The following ATG7 variants were observed in gnomAD, a reference collection of about 807,000 sequenced individuals.
ATG7 encodes the protein ubiquitin-like modifier-activating enzyme ATG7.
A neutral mutation model predicts 82.4 loss-of-function variants in ATG7; 70 were observed. The ratio of observed to expected loss-of-function variants is 0.85; its 90% CI spans 0.70 to 1.04. The LOEUF is 1.04. Ranked by LOEUF, ATG7 falls within the 50% of genes least tolerant of loss-of-function variation. The pLI, the probability that ATG7 is intolerant of heterozygous loss-of-function variation, is 0.00. For missense variants in ATG7, 792 were observed against 864.3 expected (o/e 0.92, Z 1.05); for synonymous variants, 287 against 313.0 (o/e 0.92, Z 0.88).
intron 3 of ATG7, among the ~76,000 whole-genome samples, chr3:11,291,182 A>T (rs1309475481): frequency 6.6e-6 from 1 of 152,262 alleles, no homozygotes; most frequent in African/African-American, 2.4e-5. Context: ...TGACTGACAT[A>T]TGTAGGGACT....
At chr3:11,354,678 T>C (rs1033246324) in intron 14 of ATG7, among the ~76,000 whole-genome samples, 3 of 142,154 alleles carry the variant, frequency 2.1e-5, no homozygotes, top group East Asian at 2.1e-4. Flanking sequence ...AAAAAAAAGA[T>C]GTTGGATTAT....
At chr3:11,372,886 TGTG>T (rs922827498) in intron 18 of ATG7, among the ~76,000 whole-genome samples, 2 of 150,778 alleles carry the variant, frequency 1.3e-5, no homozygotes, top group Admixed American at 6.6e-5. Flanking sequence ...GTTTTCCCCT[TGTG>T]GGGAGAGGGG....
intron 19 of ATG7, among the ~76,000 whole-genome samples, chr3:11,422,871 C>T (rs2082060682): frequency 6.7e-6 from 1 of 148,752 alleles, no homozygotes; most frequent in East Asian, 2.0e-4. Context: ...TCTCTTGCCT[C>T]AGCTTCCCAG....
intron 20 of ATG7, among the ~76,000 whole-genome samples, chr3:11,478,255 A>T (rs1040938097): frequency 6.6e-6 from 1 of 152,198 alleles, no homozygotes; most frequent in Non-Finnish European, 1.5e-5. Flanking sequence ...AAATTATTTA[A>T]ATGTTTTCCC....
chr3:11,356,650 T>C (rs1264365489), intron 14 of ATG7, among the ~76,000 whole-genome samples: 1 of 152,244 alleles, frequency 6.6e-6, no homozygotes, highest in Admixed American at 6.5e-5. Flanking sequence ...AATATATACT[T>C]AATAGTTATT....
At chr3:11,518,876 A>G (rs982310570) in intron 20 of ATG7, among the ~76,000 whole-genome samples, 1 of 152,318 alleles carries the variant, frequency 6.6e-6, no homozygotes, top group East Asian at 1.9e-4. Flanking sequence ...TTAATCTCCT[A>G]TGACCCCAAG....
At chr3:11,485,550 A>G (rs2089523488) in intron 20 of ATG7, among the ~76,000 whole-genome samples, 1 of 151,974 alleles carries the variant, frequency 6.6e-6, no homozygotes, top group South Asian at 2.1e-4. Context: ...GTTTAATTAG[A>G]TCCCATTTGT....
chr3:11,323,454 T>G (rs1416161575), intron 9 of ATG7, among the ~76,000 whole-genome samples: 1 of 152,202 alleles, frequency 6.6e-6, no homozygotes, highest in Non-Finnish European at 1.5e-5. Flanking sequence ...AAAATGGGCC[T>G]TAAGTTCTTC....
chr3:11,424,186 T>G (rs1017032569), intron 19 of ATG7, among the ~76,000 whole-genome samples: 3 of 152,080 alleles, frequency 2.0e-5, no homozygotes, highest in Non-Finnish European at 2.9e-5. Context: ...GCCCCTCCTT[T>G]CCAGTGCCAA....
At chr3:11,557,954 C>T (rs1256586275), downstream of ATG7, 1 of 153,626 alleles carries the variant, frequency 6.5e-6, no homozygotes, top group African/African-American at 2.4e-5. Flanking sequence ...ACAGTAACAA[C>T]AACAAACACA....
chr3:11,400,340 G>A (rs985517578), intron 19 of ATG7, among the ~76,000 whole-genome samples: 1 of 152,064 alleles, frequency 6.6e-6, no homozygotes, highest in African/African-American at 2.4e-5. Flanking sequence ...CTCTTATGCT[G>A]AGTACCCAGA....
At chr3:11,447,441 C>T (rs572052373) in intron 20 of ATG7, among the ~76,000 whole-genome samples, 8 of 150,788 alleles carry the variant, frequency 5.3e-5, no homozygotes, top group Non-Finnish European at 7.4e-5. Flanking sequence ...CACTCCAGCC[C>T]GGGCAACAGT....
At chr3:11,570,193 C>A in the ATG7 span, among the ~76,000 whole-genome samples, 1 of 152,136 alleles carries the variant, frequency 6.6e-6, no homozygotes, top group South Asian at 2.1e-4. Flanking sequence ...ACCACAGACA[C>A]CGGCCCTGTG....
In ATG7 at chr3:11,362,679, G is replaced by A. The variant is rs1297708774; in HGVS notation, c.1684-134G>A. On this transcript the variant is annotated intron_variant, in intron 16 of 20. Coordinates refer to ENST00000693202, the MANE Select transcript of ATG7 (RefSeq NM_001349232.2). ...TAATCTCAAGAAATGATGTACTTGA[G>A]GCTGGATGTTCTTTGCCAACAATGA... is the stretch of plus-strand genomic sequence containing the variant. The A allele has an allele frequency of 2.4e-5, 15 of 637,682 alleles. No homozygotes were observed. The East Asian group carries it at 4.1e-4, about 17-fold the overall frequency. 39.5% of individuals were successfully genotyped at this position (637,682 alleles called of 1,614,324 possible).
At position 11,557,430 on chromosome 3, in the gene ATG7, G is replaced by A. The variant is rs982694820; in HGVS notation, c.*2587G>A. On this transcript the variant is annotated 3_prime_UTR_variant, in exon 21 of 21. Coordinates refer to ENST00000693202, the MANE Select transcript of ATG7 (RefSeq NM_001349232.2). ...AAGACACAAACCCCACCTCCCCTGGGAGCTTGTAACAAAGCAGACAGGGAT... is the reference window on the plus strand; with the variant it reads ...AAGACACAAACCCCACCTCCCCTGGAAGCTTGTAACAAAGCAGACAGGGAT... The A allele has an allele frequency of 9.2e-5, 14 of 152,690 alleles. No individual in the cohort carries two copies. The highest frequency in any genetic ancestry group is 6.5e-5 in the Admixed American group (1 of 15,270). 9.5% of individuals were successfully genotyped at this position (152,690 alleles called of 1,614,324 possible).
intron 19 of ATG7, among the ~76,000 whole-genome samples, chr3:11,413,413 A>AT (rs2081090477): frequency 6.6e-6 from 1 of 152,104 alleles, no homozygotes; most frequent in African/African-American, 2.4e-5. Flanking sequence ...ATCAATCGAG[A>AT]TGATTGTGTG....
intron 20 of ATG7, among the ~76,000 whole-genome samples, chr3:11,553,971 G>C (rs1306292259): frequency 1.3e-5 from 2 of 152,188 alleles, no homozygotes; most frequent in Non-Finnish European, 2.9e-5. Context: ...GAAGGCGTAG[G>C]TTCAGGGACT....
At chr3:11,273,488 A>G (rs1345676662) in intron 1 of ATG7, among the ~76,000 whole-genome samples, 14 of 152,152 alleles carry the variant, frequency 9.2e-5, no homozygotes, top group Admixed American at 8.5e-4. Context: ...GAAAGCTGCT[A>G]GTTTGTCTTC....
At chr3:11,325,297 C>T (rs1393685630) in intron 9 of ATG7, among the ~76,000 whole-genome samples, 1 of 152,182 alleles carries the variant, frequency 6.6e-6, no homozygotes, top group African/African-American at 2.4e-5. Flanking sequence ...TACTGCAAGA[C>T]AGTGTATTTA....
Sources: allele counts gnomAD v4.1 joint callset (sites outside exome capture counted in the v4.1 genomes callset), GRCh38; gene constraint gnomAD v4.1.1; transcripts MANE v1.5; gene names NCBI Gene and HGNC (gene_info 2026-07-23, HGNC 2026-07-21).